Variants in RTL4 observed in about 807,000 individuals in gnomAD.
RTL4 encodes the protein retrotransposon Gag like 4.
RTL4 carries 4 observed loss-of-function variants against 5.3 expected under a neutral mutation model. The observed-to-expected ratio is 0.75, with a 90% CI of 0.37 to 1.72. The LOEUF is 1.72. Ranked by LOEUF, RTL4 falls within the 40% of genes most tolerant of loss-of-function variation. RTL4 has a pLI of 0.04. For synonymous variants in RTL4, 98 were observed against 87.3 expected, an observed-to-expected ratio of 1.12 and a Z score of -0.68; for missense variants, 260 against 227.1, an observed-to-expected ratio of 1.14 and a Z score of -0.93.
chrX:112,119,046 C>T, the RTL4 span, among the ~76,000 whole-genome samples: 2 of 98,663 alleles, frequency 2.0e-5, no homozygotes, highest in Admixed American at 1.2e-4. Context: ...TTAGTAGAGA[C>T]GGGGTTTCGC....
the RTL4 span, among the ~76,000 whole-genome samples, chrX:112,084,679 A>G: frequency 9.0e-6 from 1 of 110,979 alleles, no homozygotes; most frequent in South Asian, 3.8e-4. Flanking sequence ...CTTTGGGGGC[A>G]TTTCCCTTTT....
At chrX:112,203,641 G>T in the RTL4 span, among the ~76,000 whole-genome samples, 2 of 111,106 alleles carry the variant, frequency 1.8e-5, no homozygotes, top group African/African-American at 3.3e-5. Context: ...ACTCTGTCTT[G>T]GTTGTATCAG....
At chrX:112,123,148 A>G in the RTL4 span, among the ~76,000 whole-genome samples, 7 of 112,105 alleles carry the variant, frequency 6.2e-5, no homozygotes, top group African/African-American at 2.3e-4. Context: ...AAGGGTCATA[A>G]TAAAATATTA....
At chrX:112,272,709 A>G in the RTL4 span, among the ~76,000 whole-genome samples, 4 of 109,220 alleles carry the variant, frequency 3.7e-5, no homozygotes, top group African/African-American at 1.4e-4. Context: ...TTAAGTTGAG[A>G]CAATTAAATA....
chrX:112,153,142 T>C, the RTL4 span, among the ~76,000 whole-genome samples: 1 of 112,156 alleles, frequency 8.9e-6, no homozygotes, highest in Admixed American at 9.5e-5. Flanking sequence ...TTGAACACAA[T>C]ATCCAGGACT....
At chrX:112,435,510 C>T in the RTL4 span, among the ~76,000 whole-genome samples, 3 of 111,858 alleles carry the variant, frequency 2.7e-5, no homozygotes, top group Admixed American at 2.9e-4. Context: ...AAATACATTT[C>T]GTAAAGGCAA....
chrX:112,335,959 C>T, the RTL4 span, among the ~76,000 whole-genome samples: 1 of 110,336 alleles, frequency 9.1e-6, no homozygotes, highest in Non-Finnish European at 1.9e-5. Context: ...TCTCCTGCCT[C>T]AGCCTCCCGA....
upstream of RTL4, chrX:112,454,426 T>C: frequency 4.7e-6 from 1 of 211,151 alleles, no homozygotes; most frequent in African/African-American, 2.9e-5. Context: ...AAAGGTACTG[T>C]GACTGTTGTA....
the RTL4 span, among the ~76,000 whole-genome samples, chrX:112,182,446 T>C: frequency 8.9e-6 from 1 of 111,737 alleles, no homozygotes; most frequent in Non-Finnish European, 1.9e-5. Context: ...GAAAAAAGGT[T>C]ATAGGAATTG....
chrX:112,286,778 C>T, the RTL4 span, among the ~76,000 whole-genome samples: 1 of 111,519 alleles, frequency 9.0e-6, no homozygotes, highest in Non-Finnish European at 1.9e-5. Flanking sequence ...TAGAGAAGAA[C>T]ATTTCTGGTA....
At chrX:112,173,415 C>T in the RTL4 span, among the ~76,000 whole-genome samples, 1 of 111,121 alleles carries the variant, frequency 9.0e-6, no homozygotes, top group Non-Finnish European at 1.9e-5. Context: ...CCAGCTCTGC[C>T]GCTTACTGGC....
Position 112,455,636 on chromosome X carries a change from C to T in RTL4, c.908C>T (p.Thr303Met), listed in dbSNP as rs758644723. 4.4e-5 allele frequency: 53 copies of T among 1,206,850 alleles called. No homozygotes were observed. The highest frequency in any genetic ancestry group is 3.8e-4 in the African/African-American group (22 of 57,247). ...GCCAAACGTTCTCGAGCTCCGGCAA[C>T]GACAAATAACACAGCTCACCAGTAA... is the stretch of plus-strand genomic sequence containing the variant. The change falls in exon 1 of 1, where the codon ACG (threonine) becomes ATG (methionine). Residue 303 changes from threonine to methionine, a missense_variant. By Grantham distance (81) the Thr-to-Met change is moderately conservative. Coordinates refer to ENST00000340433, the Ensembl canonical transcript of RTL4.
At chrX:112,377,018 A>C in the RTL4 span, among the ~76,000 whole-genome samples, 1 of 112,370 alleles carries the variant, frequency 8.9e-6, no homozygotes, top group Admixed American at 9.4e-5. Flanking sequence ...TTAGAAAGAA[A>C]TGTTAGTACC....
At chrX:112,455,658 G>A in exon 1 of RTL4, 1 of 1,195,215 alleles carries the variant, frequency 8.4e-7, no homozygotes. Flanking sequence ...CAGCTCACCA[G>A]TAAGAGGAGA....
At chrX:112,183,343 G>T in the RTL4 span, among the ~76,000 whole-genome samples, 1 of 112,091 alleles carries the variant, frequency 8.9e-6, no homozygotes, top group Admixed American at 9.5e-5. Flanking sequence ...TGGGCTAAAT[G>T]CCCCAATTAA....
chrX:112,273,410 C>T, the RTL4 span, among the ~76,000 whole-genome samples: 3 of 110,564 alleles, frequency 2.7e-5, no homozygotes, highest in East Asian at 2.9e-4. Context: ...CCCACCACCA[C>T]GCCTGGCTAA....
the RTL4 span, among the ~76,000 whole-genome samples, chrX:112,319,363 G>A: frequency 1.8e-5 from 2 of 111,695 alleles, no homozygotes; most frequent in Non-Finnish European, 3.8e-5. Context: ...AATTTTAAGA[G>A]CATAGACAAG....
chrX:112,228,102 T>G, the RTL4 span, among the ~76,000 whole-genome samples: 1 of 111,686 alleles, frequency 9.0e-6, no homozygotes, highest in African/African-American at 3.3e-5. Flanking sequence ...AGGGTATTAC[T>G]GAGCTGTATT....
the RTL4 span, among the ~76,000 whole-genome samples, chrX:112,361,765 G>A: frequency 1.8e-5 from 2 of 110,694 alleles, no homozygotes; most frequent in South Asian, 3.8e-4. Flanking sequence ...TTGCTTGCTC[G>A]CTCTCCCCTT....
Sources: allele counts gnomAD v4.1 joint callset (sites outside exome capture counted in the v4.1 genomes callset), GRCh38; gene constraint gnomAD v4.1.1; transcripts MANE v1.5; gene names NCBI Gene and HGNC (gene_info 2026-07-23, HGNC 2026-07-21).